Variants in LONP2 observed in about 807,000 individuals in gnomAD.
LONP2 encodes lon protease homolog 2, peroxisomal.
Under a neutral mutation model 85.6 loss-of-function variants are expected in LONP2, and 60 were observed. The observed-to-expected ratio is 0.70, with a 90% CI of 0.57 to 0.87. LONP2 has a LOEUF of 0.87. Among genes scored for constraint, LONP2 ranks in the 40% least tolerant of loss-of-function variants. The probability of loss-of-function intolerance (pLI) is 0.00; values close to 1 mark genes in which losing one functional copy is unlikely to be tolerated. For synonymous variants in LONP2, 395 were observed against 389.7 expected, an observed-to-expected ratio of 1.01 and a Z score of -0.16; for missense variants, 860 against 1,063.5, an observed-to-expected ratio of 0.81 and a Z score of 2.66.
At chr16:48,246,691 C>T (rs1364255962) in intron 1 of LONP2, among the ~76,000 whole-genome samples, 1 of 152,144 alleles carries the variant, frequency 6.6e-6, no homozygotes, top group African/African-American at 2.4e-5. Context: ...CGTCCTGCCT[C>T]AGCTTCTGGA....
At chr16:48,326,563 T>C (rs1270647999) in intron 11 of LONP2, among the ~76,000 whole-genome samples, 1 of 152,112 alleles carries the variant, frequency 6.6e-6, no homozygotes, top group Non-Finnish European at 1.5e-5. Context: ...CAGGGCCCTC[T>C]GTGGTTAGAT....
chr16:48,294,023 G>T (rs1972615650), intron 8 of LONP2, among the ~76,000 whole-genome samples: 1 of 152,206 alleles, frequency 6.6e-6, no homozygotes, highest in Admixed American at 6.5e-5. Flanking sequence ...GGCAACTTCT[G>T]CCTCCAAAGT....
chr16:48,262,990 AT>A (rs1356052727), intron 6 of LONP2, 118 bp downstream of exon 6: 5 of 669,594 alleles, frequency 7.5e-6, no homozygotes, highest in Admixed American at 3.1e-5. Flanking sequence ...TTTGTTTTCA[AT>A]TTTTTTGAAA....
intron 14 of LONP2, among the ~76,000 whole-genome samples, 166 bp downstream of exon 14, chr16:48,348,456 A>T (rs1313351660): frequency 6.6e-6 from 1 of 151,358 alleles, no homozygotes; most frequent in Non-Finnish European, 1.5e-5. Flanking sequence ...TTGATCAAAT[A>T]AAAGAAAAAC....
chr16:48,289,083 C>A (rs1210069347), intron 8 of LONP2, among the ~76,000 whole-genome samples: 1 of 152,018 alleles, frequency 6.6e-6, no homozygotes, highest in Non-Finnish European at 1.5e-5. Flanking sequence ...CATACCTTTG[C>A]CTATACCCTT....
intron 1 of LONP2, 86 bp downstream of exon 1, chr16:48,244,707 G>A (rs1402772166): frequency 2.0e-6 from 2 of 1,000,224 alleles, no homozygotes; most frequent in Admixed American, 4.3e-5. Context: ...CCTTGAGCGC[G>A]AGGCTCAGTT....
Position 48,348,082 on chromosome 16 carries a change from C to A in LONP2, c.2147-18C>A. 1 of 1,575,940 alleles carries A rather than the reference C, an allele frequency of 6.3e-7. No individual in the cohort carries two copies. The highest frequency in any genetic ancestry group is 8.6e-7 in the Non-Finnish European group (1 of 1,168,270). On this transcript the variant is annotated intron_variant, in intron 13 of 14. Coordinates refer to ENST00000285737, the MANE Select transcript of LONP2 (RefSeq NM_031490.5). ...GGTTTAATTTTTCTACATTAAAGTCCCTTTTTCCTTTTTAAAGCTTTTGGA... is the reference window on the plus strand; with the variant it reads ...GGTTTAATTTTTCTACATTAAAGTCACTTTTTCCTTTTTAAAGCTTTTGGA...
chr16:48,257,390 G>A (rs576843916), intron 3 of LONP2, among the ~76,000 whole-genome samples: 8 of 152,136 alleles, frequency 5.3e-5, no homozygotes, highest in African/African-American at 1.7e-4. Flanking sequence ...TGGAGCCATG[G>A]CCCTTCCCTT....
intron 10 of LONP2, among the ~76,000 whole-genome samples, chr16:48,302,230 C>CAAA: frequency 6.6e-6 from 1 of 152,146 alleles, no homozygotes; most frequent in South Asian, 2.1e-4. Flanking sequence ...CCTGTTTTCT[C>CAAA]CCTTATTGAA....
intron 11 of LONP2, among the ~76,000 whole-genome samples, chr16:48,333,257 T>C (rs1045153055): frequency 2.6e-5 from 4 of 152,218 alleles, no homozygotes; most frequent in African/African-American, 7.2e-5. Context: ...CTGCTCCTTG[T>C]ATGTCTAGGT....
chr16:48,341,696 A>G (rs1005152343), intron 12 of LONP2, among the ~76,000 whole-genome samples: 2 of 152,248 alleles, frequency 1.3e-5, no homozygotes, highest in Non-Finnish European at 2.9e-5. Flanking sequence ...ACAGTATCAT[A>G]GGTCACCTTT....
chr16:48,347,542 A>C lies in LONP2; in HGVS notation c.1974A>C (p.Ile658=). ...SQRLSQPGVA[I]GLAWTPLGGE... The stretch of plus-strand genomic sequence containing the variant: ...GTTTGAGTCAGCCAGGAGTAGCAAT[A>C]GGTTTGGCTTGGACTCCCTTAGGTG... The change falls in exon 13 of 15, where the codon ATA becomes ATC. Residue 658 remains isoleucine (I), a synonymous_variant. Coordinates refer to ENST00000285737, the MANE Select transcript of LONP2 (RefSeq NM_031490.5). 6.2e-7 allele frequency: 1 copy of C among 1,614,234 alleles called. No individual in the cohort carries two copies. Among genetic ancestry groups the C allele is most frequent in the Non-Finnish European group, 8.5e-7 (1 of 1,180,032 alleles).
rs916289180 is a variant in LONP2, at chr16:48,350,276, T to C, written c.2338-1305T>C. ...GGTGGCGCATGCCTGTAATCCCAGC[T>C]ACTCAGGAGGCTGAGGCAGGAGAAT... On this transcript the variant is annotated intron_variant, in intron 14 of 14. Coordinates refer to ENST00000285737, the MANE Select transcript of LONP2 (RefSeq NM_031490.5). Among the ~76,000 whole-genome samples the C allele has an allele frequency of 2.6e-5, 4 of 151,710 alleles. 1 individual carries two copies. The South Asian group carries it at 8.3e-4, about 32-fold the overall frequency.
chr16:48,250,586 C>T (rs1426450209), intron 1 of LONP2, among the ~76,000 whole-genome samples: 2 of 152,104 alleles, frequency 1.3e-5, no homozygotes, highest in African/African-American at 2.4e-5. Flanking sequence ...TTGGATTTGT[C>T]TCATCTCTCT....
At chr16:48,257,360 T>G (rs1971781433) in intron 3 of LONP2, among the ~76,000 whole-genome samples, 1 of 152,160 alleles carries the variant, frequency 6.6e-6, no homozygotes, top group African/African-American at 2.4e-5. Context: ...AGACATTCTT[T>G]GATTCACTAT....
intron 11 of LONP2, among the ~76,000 whole-genome samples, chr16:48,316,870 T>TA (rs1973157456): frequency 6.6e-6 from 1 of 152,200 alleles, no homozygotes; most frequent in African/African-American, 2.4e-5. Context: ...TGTATTTTTT[T>TA]ACTGGATGCC....
At chr16:48,294,521 T>C (rs1972627077) in intron 8 of LONP2, among the ~76,000 whole-genome samples, 3 of 152,178 alleles carry the variant, frequency 2.0e-5, no homozygotes, top group Admixed American at 2.0e-4. Context: ...ATCCCTGCAC[T>C]TTGGGAGGCC....
Position 48,252,366 on chromosome 16 carries a change from G to T in LONP2, c.468+1G>T, listed in dbSNP as rs1314041333. On this transcript the variant is annotated splice_donor_variant, in intron 2 of 14. Transcript: ENST00000285737. LOFTEE classifies it high-confidence loss of function. ...GCAGTTTTACAAATATGCAGTACAA[G>T]TAAGTTGCTTTTATTTTTTCTTAAA... 3.9e-6 allele frequency: 6 copies of T among 1,551,068 alleles called. No individual in the cohort carries two copies. The South Asian group carries it at 7.3e-5, about 19-fold the overall frequency.
intron 14 of LONP2, 113 bp from the exon 15 acceptor site, chr16:48,351,468 A>G (rs1960143928): frequency 5.1e-6 from 4 of 779,400 alleles, no homozygotes; most frequent in Non-Finnish European, 8.1e-6. Flanking sequence ...ACGGAAGATG[A>G]TTTGGATGTT....
Sources: allele counts gnomAD v4.1 joint callset (sites outside exome capture counted in the v4.1 genomes callset), GRCh38; gene constraint gnomAD v4.1.1; transcripts MANE v1.5; gene names NCBI Gene and HGNC (gene_info 2026-07-23, HGNC 2026-07-21).